The following SIPA1L3 variants were observed in gnomAD, a reference collection of about 807,000 sequenced individuals.
SIPA1L3 encodes signal induced proliferation associated 1 like 3, also known as signal-induced proliferation-associated 1-like protein 3.
SIPA1L3 carries 59 observed loss-of-function variants against 150.1 expected under a neutral mutation model. The ratio of observed to expected loss-of-function variants is 0.39; its 90% CI spans 0.32 to 0.49. The LOEUF (loss-of-function observed/expected upper bound fraction) is 0.49. Among genes scored for constraint, SIPA1L3 ranks in the 20% least tolerant of loss-of-function variants. The pLI is 0.86. For missense variants in SIPA1L3, 2,211 were observed against 2,489.5 expected (o/e 0.89, Z 2.38); for synonymous variants, 1,070 against 1,077.6 (o/e 0.99, Z 0.14).
chr19:38,017,522 T>C (rs1402048668), intron 1 of SIPA1L3, among the ~76,000 whole-genome samples: 1 of 131,042 alleles, frequency 7.6e-6, no homozygotes, highest in Non-Finnish European at 1.7e-5. Context: ...GCTATCTCCT[T>C]TTTTTTTTTT....
chr19:38,060,810 G>A (rs1216377524), intron 2 of SIPA1L3, among the ~76,000 whole-genome samples: 1 of 152,128 alleles, frequency 6.6e-6, no homozygotes, highest in African/African-American at 2.4e-5. Flanking sequence ...TCCTGCCTCA[G>A]CCTCCCGAGT....
chr19:37,976,906 C>T (rs1290609950), intron 1 of SIPA1L3, among the ~76,000 whole-genome samples: 1 of 152,194 alleles, frequency 6.6e-6, no homozygotes, highest in Non-Finnish European at 1.5e-5. Flanking sequence ...ACAAACACAG[C>T]TCACTGCAGC....
At chr19:38,038,535 G>A (rs1038148981) in intron 2 of SIPA1L3, among the ~76,000 whole-genome samples, 2 of 146,580 alleles carry the variant, frequency 1.4e-5, no homozygotes, top group Non-Finnish European at 3.0e-5. Flanking sequence ...AGGTTGCAGT[G>A]AGCCAAGATC....
At chr19:38,053,662 T>C (rs1266862579) in intron 2 of SIPA1L3, among the ~76,000 whole-genome samples, 10 of 151,974 alleles carry the variant, frequency 6.6e-5, no homozygotes, top group Non-Finnish European at 1.3e-4. Context: ...GCTCAAGCGA[T>C]CCTCCCACCT....
At chr19:37,987,206 A>G (rs1484738843) in intron 1 of SIPA1L3, among the ~76,000 whole-genome samples, 3 of 151,962 alleles carry the variant, frequency 2.0e-5, no homozygotes, top group East Asian at 1.9e-4. Context: ...GGGATTATAG[A>G]TGTGAGCCAC....
At chr19:38,025,325 A>AT (rs1400182359) in intron 1 of SIPA1L3, among the ~76,000 whole-genome samples, 1 of 152,014 alleles carries the variant, frequency 6.6e-6, no homozygotes, top group African/African-American at 2.4e-5. Flanking sequence ...GGTCATGGCC[A>AT]TGAGTGTGCT....
chr19:38,078,663 A>G (rs759252606), intron 2 of SIPA1L3, among the ~76,000 whole-genome samples: 5 of 152,116 alleles, frequency 3.3e-5, no homozygotes, highest in Admixed American at 2.6e-4. Context: ...TCCAATAGCC[A>G]TTGATCAAGA....
chr19:37,993,535 G>A (rs1425388862), intron 1 of SIPA1L3, among the ~76,000 whole-genome samples: 2 of 152,168 alleles, frequency 1.3e-5, no homozygotes, highest in Non-Finnish European at 2.9e-5. Context: ...GTTTCACTGT[G>A]TTGGCCAGGC....
chr19:38,081,037 A>G (rs1429140653), intron 2 of SIPA1L3, among the ~76,000 whole-genome samples: 1 of 151,984 alleles, frequency 6.6e-6, no homozygotes, highest in Non-Finnish European at 1.5e-5. Context: ...GAAGGTCACA[A>G]GGCTGGGTGA....
At chr19:38,133,207 C>T (rs1044784399) in intron 10 of SIPA1L3, among the ~76,000 whole-genome samples, 4 of 152,238 alleles carry the variant, frequency 2.6e-5, no homozygotes, top group Admixed American at 6.5e-5. Context: ...TAGGGGCAAG[C>T]AGAGGCTTCA....
intron 1 of SIPA1L3, among the ~76,000 whole-genome samples, chr19:38,006,839 T>A (rs1006022628): frequency 5.3e-5 from 8 of 152,182 alleles, no homozygotes; most frequent in African/African-American, 1.7e-4. Context: ...TGAGAAGTGA[T>A]CTTTGTCCAA....
intron 1 of SIPA1L3, among the ~76,000 whole-genome samples, chr19:37,970,581 C>T (rs1228523293): frequency 3.9e-5 from 6 of 152,200 alleles, no homozygotes; most frequent in African/African-American, 7.2e-5. Context: ...TAAAGCCATC[C>T]GTTCAGCTTC....
rs116579862 is a variant in SIPA1L3, at chr19:38,165,411, G to T, written c.4208+505G>T. On this transcript the variant is annotated intron_variant, in intron 15 of 21. Coordinates refer to ENST00000222345, the MANE Select transcript of SIPA1L3 (RefSeq NM_015073.3). ...TTGGCACTCTGTGTCTCCCTGCTCG[G>T]CATCTTTACCATGCTGGCTCATGTC... Among the ~76,000 whole-genome samples, 276 of 152,276 alleles carry T rather than the reference G, an allele frequency of 1.8e-3. 1 individual carries two copies. Among genetic ancestry groups the T allele is most frequent in the African/African-American group, 6.5e-3 (270 of 41,556 alleles).
chr19:37,914,857 G>T (rs994510845), intron 1 of SIPA1L3, among the ~76,000 whole-genome samples: 1 of 152,108 alleles, frequency 6.6e-6, no homozygotes, highest in African/African-American at 2.4e-5. Context: ...TGCTTACTCT[G>T]TGCTAGATGC....
At chr19:38,024,358 A>G (rs1281900531) in intron 1 of SIPA1L3, among the ~76,000 whole-genome samples, 1 of 152,208 alleles carries the variant, frequency 6.6e-6, no homozygotes, top group Non-Finnish European at 1.5e-5. Context: ...AACTTTTGAC[A>G]GACACTTCCT....
intron 4 of SIPA1L3, among the ~76,000 whole-genome samples, chr19:38,091,523 A>G (rs1422855904): frequency 6.6e-6 from 1 of 152,220 alleles, no homozygotes; most frequent in Non-Finnish European, 1.5e-5. Context: ...TCTCATCACG[A>G]TTCTAGGGTG....
At chr19:38,008,734 T>A (rs1035188173) in intron 1 of SIPA1L3, among the ~76,000 whole-genome samples, 18 of 151,662 alleles carry the variant, frequency 1.2e-4, no homozygotes, top group Non-Finnish European at 2.1e-4. Flanking sequence ...TTTTTAAAAA[T>A]TTTTTGGTAG....
chr19:38,017,973 C>T (rs936547449), intron 1 of SIPA1L3, among the ~76,000 whole-genome samples: 16 of 152,138 alleles, frequency 1.1e-4, no homozygotes, highest in African/African-American at 3.6e-4. Flanking sequence ...GCGCCTCGAG[C>T]ACCAGCTATG....
chr19:38,110,160 G>A (rs2145875983), intron 7 of SIPA1L3, 67 bp from the exon 8 acceptor site: 1 of 1,507,228 alleles, frequency 6.6e-7, no homozygotes, highest in Non-Finnish European at 9.1e-7. Context: ...CTGTGGCAGT[G>A]GTCCAGGCAG....
Sources: gnomAD v4.1 joint callset for allele counts (sites outside exome capture counted in the v4.1 genomes callset) on GRCh38, gnomAD v4.1.1 for gene constraint, MANE v1.5 for transcripts, NCBI Gene and HGNC (gene_info 2026-07-23, HGNC 2026-07-21) for gene names.